The following RBM19 variants were observed in gnomAD, a reference collection of about 807,000 sequenced individuals.
RBM19 encodes RNA binding motif protein 19.
In RBM19, 94 loss-of-function variants were observed where a neutral mutation model predicts 116.8. That is an observed-to-expected ratio of 0.80 (90% CI 0.68 to 0.95). RBM19 has a LOEUF of 0.95. Among genes scored for constraint, RBM19 ranks in the 40% least tolerant of loss-of-function variants. The pLI, the probability that RBM19 is intolerant of heterozygous loss-of-function variation, is 0.00. For missense variants in RBM19, 1,161 were observed against 1,220.7 expected (o/e 0.95, Z 0.73); for synonymous variants, 475 against 494.1 (o/e 0.96, Z 0.51).
intron 21 of RBM19, among the ~76,000 whole-genome samples, chr12:113,911,060 G>T (rs1176544876): frequency 6.6e-6 from 1 of 152,198 alleles, no homozygotes; most frequent in African/African-American, 2.4e-5. Flanking sequence ...GCGGTGGGGG[G>T]GGTGGGAAGC....
intron 11 of RBM19, among the ~76,000 whole-genome samples, chr12:113,946,701 G>A (rs1168124669): frequency 6.6e-6 from 1 of 152,064 alleles, no homozygotes; most frequent in Non-Finnish European, 1.5e-5. Flanking sequence ...ACAAAACTTC[G>A]ATCAGTGTAT....
chr12:113,867,578 T>C (rs554986010), intron 21 of RBM19, among the ~76,000 whole-genome samples: 2 of 152,342 alleles, frequency 1.3e-5, no homozygotes, highest in East Asian at 1.9e-4. Context: ...ATAAATAATA[T>C]GCATATGTAC....
At chr12:113,892,762 C>A (rs1341051891) in intron 21 of RBM19, among the ~76,000 whole-genome samples, 1 of 152,120 alleles carries the variant, frequency 6.6e-6, no homozygotes, top group African/African-American at 2.4e-5. Flanking sequence ...TCATGAAACA[C>A]CCTCCTCGCC....
intron 16 of RBM19, chr12:113,927,470 G>C (rs1044836691): frequency 2.0e-6 from 1 of 494,044 alleles, no homozygotes; most frequent in African/African-American, 1.9e-5. Flanking sequence ...ACAAAACACA[G>C]CCCTCAAATG....
chr12:113,928,716 C>A (rs1334198798), intron 16 of RBM19, among the ~76,000 whole-genome samples: 1 of 150,772 alleles, frequency 6.6e-6, no homozygotes, highest in Non-Finnish European at 1.5e-5. Flanking sequence ...CCTGCAGTGG[C>A]GCTAAGCATG....
rs1882071501 is a variant in RBM19 at position 113,906,742 on chromosome 12, AC to A, written c.2558+8226del. Among the ~76,000 whole-genome samples the A allele has an allele frequency of 6.6e-5, 10 of 152,012 alleles. No individual in the cohort carries two copies. The South Asian group carries it at 2.1e-3, about 32-fold the overall frequency. On this transcript the variant is annotated intron_variant, in intron 21 of 23. Transcript: ENST00000261741. The stretch of plus-strand genomic sequence containing the variant: ...AATGTCCCCTGCTTGGAGGAGCCTT[AC>A]CTAACTGCCCAGTCTAAGATTCCCT...
At chr12:113,831,645 G>A (rs966021724) in intron 23 of RBM19, among the ~76,000 whole-genome samples, 1 of 152,224 alleles carries the variant, frequency 6.6e-6, no homozygotes, top group Non-Finnish European at 1.5e-5. Context: ...CCTTGCTGGC[G>A]ACGGCTGAGT....
chr12:113,845,945 A>T (rs990068120), intron 22 of RBM19, among the ~76,000 whole-genome samples: 1 of 152,226 alleles, frequency 6.6e-6, no homozygotes, highest in African/African-American at 2.4e-5. Flanking sequence ...TAAAACGGGT[A>T]TGTTCATATA....
intron 21 of RBM19, among the ~76,000 whole-genome samples, chr12:113,890,556 C>G (rs891933442): frequency 9.9e-5 from 15 of 152,244 alleles, no homozygotes; most frequent in African/African-American, 3.6e-4. Flanking sequence ...CGATCACCCC[C>G]ACCCCACTGG....
At chr12:113,904,649 G>C (rs2135831850) in intron 21 of RBM19, among the ~76,000 whole-genome samples, 1 of 152,264 alleles carries the variant, frequency 6.6e-6, no homozygotes, top group East Asian at 1.9e-4. Context: ...TGACATGCAT[G>C]GATCCCAACA....
At chr12:113,845,791 C>A (rs1876914175) in intron 22 of RBM19, among the ~76,000 whole-genome samples, 1 of 152,216 alleles carries the variant, frequency 6.6e-6, no homozygotes, top group Non-Finnish European at 1.5e-5. Flanking sequence ...CAAACACTCC[C>A]ACGGCACAGA....
At chr12:113,881,960 C>T (rs75539271) in intron 21 of RBM19, among the ~76,000 whole-genome samples, 10,157 of 152,326 alleles carry the variant, frequency 0.067, 661 homozygotes, top group East Asian at 0.34. Flanking sequence ...GCACCCTGAC[C>T]GTCACTAATT....
At chr12:113,940,603 C>T (rs568025851) in intron 14 of RBM19, among the ~76,000 whole-genome samples, 174 of 152,340 alleles carry the variant, frequency 1.1e-3, no homozygotes, top group African/African-American at 4.1e-3. Context: ...CACTCCTTGT[C>T]CTTGGGTGGG....
chr12:113,909,871 C>T (rs11066808), intron 21 of RBM19, among the ~76,000 whole-genome samples: 8,858 of 152,288 alleles, frequency 0.058, 299 homozygotes, highest in Middle Eastern at 0.17. Flanking sequence ...CCCGGCACTA[C>T]GCTAGGCGTC....
At chr12:113,950,258 G>A in intron 8 of RBM19, 104 bp from the exon 9 acceptor site, 1 of 920,342 alleles carries the variant, frequency 1.1e-6, no homozygotes, top group Non-Finnish European at 1.7e-6. Context: ...AAGTGAGGGA[G>A]AAACCTCTAC....
intron 21 of RBM19, among the ~76,000 whole-genome samples, chr12:113,870,937 G>C (rs1000992986): frequency 6.6e-6 from 1 of 152,184 alleles, no homozygotes; most frequent in African/African-American, 2.4e-5. Flanking sequence ...GGTTTCCAGA[G>C]GGCATCTCTA....
intron 21 of RBM19, among the ~76,000 whole-genome samples, chr12:113,901,960 G>A (rs1393648485): frequency 1.3e-5 from 2 of 152,094 alleles, no homozygotes; most frequent in Non-Finnish European, 2.9e-5. Context: ...AAAAACCTTT[G>A]AATTTTGAGA....
rs1204455060 is a variant in RBM19, at chr12:113,927,241, T to A, written c.2069-12A>T. ...TTCGCCATCAGGCACTGAACCCCCA[T>A]CAAAACAAAAACAAAAACAAAAACA... On this transcript the variant is annotated splice_polypyrimidine_tract_variant and intron_variant, in intron 16 of 23. Coordinates refer to ENST00000261741, the MANE Select transcript of RBM19 (RefSeq NM_016196.4). 1 of 1,544,086 alleles carries A rather than the reference T, an allele frequency of 6.5e-7. No individual in the cohort carries two copies. Among genetic ancestry groups the A allele is most frequent in the Non-Finnish European group, 8.7e-7 (1 of 1,145,390 alleles).
At chr12:113,827,517 C>A (rs951917235) in intron 23 of RBM19, among the ~76,000 whole-genome samples, 1 of 3,250 alleles carries the variant, frequency 3.1e-4, no homozygotes, top group Admixed American at 5.0e-3. Flanking sequence ...GGAGAAAGGG[C>A]GGGGGGGCGG....
Sources: allele counts gnomAD v4.1 joint callset (sites outside exome capture counted in the v4.1 genomes callset), GRCh38; gene constraint gnomAD v4.1.1; transcripts MANE v1.5; gene names NCBI Gene and HGNC (gene_info 2026-07-23, HGNC 2026-07-21).